The following CRNKL1 variants were observed in gnomAD, a reference collection of about 807,000 sequenced individuals.
The protein encoded by CRNKL1 is crooked neck-like protein 1.
Under a neutral mutation model 103.7 loss-of-function variants are expected in CRNKL1, and 35 were observed. The observed-to-expected ratio is 0.34, with a 90% CI of 0.26 to 0.45. The LOEUF (loss-of-function observed/expected upper bound fraction) is 0.45. CRNKL1 is among the 20% of genes least tolerant of loss of function. The pLI is 1.00. For missense variants in CRNKL1, 645 were observed against 836.0 expected, an observed-to-expected ratio of 0.77 and a Z score of 2.82; for synonymous variants, 267 against 282.6, an observed-to-expected ratio of 0.94 and a Z score of 0.55.
At position 20,048,521 on chromosome 20, in the gene CRNKL1, A is replaced by G. The variant is rs559342431; in HGVS notation, c.297-20T>C. On this transcript the variant is annotated intron_variant, in intron 3 of 13. Transcript: ENST00000536226. ...CGAGCCCTTAAGAAGCAAGATTTGC[A>G]GGGCATCAAAAATAGAGCATTCAAC... 7.1e-5 allele frequency: 114 copies of G among 1,612,708 alleles called. No individual in the cohort carries two copies. In the South Asian group the frequency reaches 1.2e-3, roughly 16 times the overall value.
chr20:20,040,574 T>C (rs2043497349), intron 10 of CRNKL1, 112 bp downstream of exon 10: 1 of 790,460 alleles, frequency 1.3e-6, no homozygotes, highest in African/African-American at 1.7e-5. Context: ...GCTATAAAGG[T>C]ATAATACTTC....
intron 8 of CRNKL1, 67 bp from the exon 9 acceptor site, chr20:20,041,692 C>G (rs1277412032): frequency 2.6e-6 from 3 of 1,149,770 alleles, no homozygotes; most frequent in Non-Finnish European, 3.9e-6. Context: ...TTACTAGTTA[C>G]TAATTTTACT....
intron 9 of CRNKL1, among the ~76,000 whole-genome samples, chr20:20,041,029 T>C (rs541520155): frequency 1.4e-3 from 209 of 152,362 alleles, no homozygotes; most frequent in African/African-American, 4.9e-3. Flanking sequence ...GATACTGTAC[T>C]GTACTGTATG....
chr20:20,052,687 A>G (rs972185530), upstream of CRNKL1: 1 of 1,612,976 alleles, frequency 6.2e-7, no homozygotes, highest in Middle Eastern at 1.7e-4. Context: ...TGGGATGACC[A>G]GGCGAGGACG....
At position 20,050,223 on chromosome 20, in the gene CRNKL1, C is replaced by T. The variant is rs116780025; in HGVS notation, c.204+247G>A. On this transcript the variant is annotated intron_variant, in intron 2 of 13. Coordinates refer to ENST00000536226, the MANE Select transcript of CRNKL1 (RefSeq NM_001278628.2). ...TCAGTTGTTCCATCTGCTAAACTTC[C>T]GCTCACTTTGATTCAGCATCAAAAA... 1.4e-3 allele frequency among the ~76,000 whole-genome samples: 216 copies of T among 152,314 alleles called. 3 individuals are homozygous for T. The highest frequency in any genetic ancestry group is 4.7e-3 in the African/African-American group (195 of 41,586).
At chr20:20,055,125 A>G (rs990678682), upstream of CRNKL1, among the ~76,000 whole-genome samples, 1 of 152,108 alleles carries the variant, frequency 6.6e-6, no homozygotes, top group Non-Finnish European at 1.5e-5. Flanking sequence ...ATAACCACGT[A>G]TTTCATTTTT....
Position 20,039,785 on chromosome 20 carries a change from G to A in CRNKL1, c.1369C>T (p.Gln457Ter). The change falls in exon 11 of 14, where the codon CAG becomes TAG. Residue 457 changes from glutamine (Q) to a stop codon, truncating the protein, a stop_gained. Coordinates refer to ENST00000536226, the MANE Select transcript of CRNKL1 (RefSeq NM_001278628.2). LOFTEE classifies it high-confidence loss of function. ...CGGCATCTGTCAAATTCTCGAAGCT[G>A]TAGCTCCAATTCTATGTAAACTTTA... ...LFKVYIELEL[Q>*]LREFDRCRKL... 1 of 1,614,144 alleles carries A rather than the reference G, an allele frequency of 6.2e-7. No homozygotes were observed. The highest frequency in any genetic ancestry group is 8.5e-7 in the Non-Finnish European group (1 of 1,179,982).
rs934060067 is a variant in CRNKL1 at position 20,050,381 on chromosome 20, C to T, written c.204+89G>A. 1.9e-5 allele frequency: 22 copies of T among 1,158,140 alleles called. No homozygotes were observed. The Admixed American group carries it at 3.1e-4, about 16-fold the overall frequency. 71.7% of individuals were successfully genotyped at this position (1,158,140 alleles called of 1,614,324 possible). ...TCTGGAAACACTTAACCTCATCTTG[C>T]CCTACAGAATCCAACCAATGAGGAG... On this transcript the variant is annotated intron_variant, in intron 2 of 13. Coordinates refer to ENST00000536226, the MANE Select transcript of CRNKL1 (RefSeq NM_001278628.2).
chr20:20,040,759 A>C lies in CRNKL1; in HGVS notation c.1232T>G (p.Phe411Cys), dbSNP rs773931500. ...LELIPHKKFTFAKMWILYAQF... is the reference protein window; with the variant it reads ...LELIPHKKFTCAKMWILYAQF... ...TGCATACAGTATCCACATTTTGGCA[A>C]ATGTGAACTAGAAAACAAAAGCACA... The change falls in exon 10 of 14, where the codon TTT becomes TGT. Residue 411 changes from phenylalanine (F) to cysteine (C), a missense_variant. Physicochemically the swap from Phe to Cys is radical, Grantham distance 205 (BLOSUM62 -2). Coordinates refer to ENST00000536226, the MANE Select transcript of CRNKL1 (RefSeq NM_001278628.2). 1.9e-6 allele frequency: 3 copies of C among 1,606,694 alleles called. No homozygotes were observed. The East Asian group carries it at 6.7e-5, about 36-fold the overall frequency.
At chr20:20,053,929 A>T (rs562993166), upstream of CRNKL1, among the ~76,000 whole-genome samples, 1 of 150,824 alleles carries the variant, frequency 6.6e-6, no homozygotes, top group South Asian at 2.1e-4. Context: ...ATGCTAGAAT[A>T]CTTTGCTTCT....
intron 1 of CRNKL1, 99 bp from the exon 2 acceptor site, chr20:20,050,721 T>C (rs963815594): frequency 5.8e-6 from 6 of 1,032,398 alleles, no homozygotes; most frequent in Non-Finnish European, 8.2e-6. Context: ...TTGTTAGTAT[T>C]ATCACAAGAT....
chr20:20,052,265 C>T (rs2043778063), intron 1 of CRNKL1, 27 bp downstream of exon 1: 1 of 1,588,046 alleles, frequency 6.3e-7, no homozygotes, highest in Admixed American at 1.7e-5. Flanking sequence ...TAGGCCACCT[C>T]CTACAAGGCC....
chr20:20,047,538 A>G (rs987699930), intron 5 of CRNKL1, among the ~76,000 whole-genome samples: 1 of 152,196 alleles, frequency 6.6e-6, no homozygotes, highest in African/African-American at 2.4e-5. Flanking sequence ...TAGCATTACA[A>G]TAAAATAAAC....
rs1233920440 is a variant in CRNKL1 at position 20,034,400 on chromosome 20, G to A, written c.*1795C>T. 2.6e-5 allele frequency: 4 copies of A among 152,062 alleles called. No individual in the cohort carries two copies. Among genetic ancestry groups the A allele is most frequent in the Non-Finnish European group, 5.9e-5 (4 of 68,030 alleles). 9.4% of individuals were successfully genotyped at this position (152,062 alleles called of 1,614,324 possible). A position where few individuals can be genotyped will look rare whatever the true frequency, so the allele number is the denominator to read the frequency against. On this transcript the variant is annotated 3_prime_UTR_variant, in exon 14 of 14. Transcript: ENST00000536226. ...TTTACTATCGAAAGGATTTACTTTG[G>A]TGGAGTTGAGGGTGGGAGAGAAATG...
intron 13 of CRNKL1, 55 bp from the exon 14 acceptor site, chr20:20,036,417 C>G: frequency 1.3e-6 from 2 of 1,528,098 alleles, no homozygotes; most frequent in Non-Finnish European, 1.8e-6. Context: ...ACTCACATAT[C>G]AGAGTGAAGA....
chr20:20,039,946 T>C, intron 10 of CRNKL1, 98 bp from the exon 11 acceptor site: 1 of 1,258,154 alleles, frequency 7.9e-7, no homozygotes, highest in East Asian at 2.3e-5. Context: ...TGAGGAAGAA[T>C]CTTGCAAAGT....
At chr20:20,039,272 T>A (rs2043472758) in intron 11 of CRNKL1, among the ~76,000 whole-genome samples, 1 of 152,184 alleles carries the variant, frequency 6.6e-6, no homozygotes, top group South Asian at 2.1e-4. Flanking sequence ...ATCCCCCTCG[T>A]TCTCCGGGTG....
chr20:20,052,610 A>G (rs1269461835), upstream of CRNKL1: 2 of 1,613,762 alleles, frequency 1.2e-6, no homozygotes, highest in South Asian at 2.2e-5. Context: ...CGCCGTGCTG[A>G]CTAGCAGCGA....
Position 20,038,639 on chromosome 20 carries a change from TC to T in CRNKL1, c.1546-190del, listed in dbSNP as rs2043461460. On this transcript the variant is annotated intron_variant, in intron 11 of 13. Coordinates refer to ENST00000536226, the MANE Select transcript of CRNKL1 (RefSeq NM_001278628.2). ...AAGCTGGCCAAAACTTGGCTAGAAT[TC>T]CAGATTACAGAAAAAGGGCCTTGGA... 8.8e-6 allele frequency: 4 copies of T among 455,890 alleles called. No individual in the cohort carries two copies. In the East Asian group the frequency reaches 1.5e-4, roughly 17 times the overall value. 28.2% of individuals were successfully genotyped at this position (455,890 alleles called of 1,614,324 possible).
Sources: gnomAD v4.1 joint callset for allele counts (sites outside exome capture counted in the v4.1 genomes callset) on GRCh38, gnomAD v4.1.1 for gene constraint, MANE v1.5 for transcripts, NCBI Gene and HGNC (gene_info 2026-07-23, HGNC 2026-07-21) for gene names.